Variants in CHST4 observed in about 807,000 individuals in gnomAD.
CHST4 encodes carbohydrate sulfotransferase 4.
For missense variants in CHST4, 466 were observed against 506.0 expected (o/e 0.92, Z 0.76); for synonymous variants, 171 against 195.5 (o/e 0.87, Z 1.05).
intron 1 of CHST4, among the ~76,000 whole-genome samples, chr16:71,535,137 C>A (rs2043977848): frequency 1.3e-5 from 2 of 152,092 alleles, no homozygotes; most frequent in African/African-American, 2.4e-5. Context: ...ACTGGAAAAC[C>A]ATCTTAATAT....
chr16:71,534,784 A>T (rs1013179154), intron 1 of CHST4, among the ~76,000 whole-genome samples: 1 of 152,174 alleles, frequency 6.6e-6, no homozygotes, highest in Non-Finnish European at 1.5e-5. Context: ...CCCACTTACC[A>T]TCTGGAAATC....
At position 71,537,355 on chromosome 16, in the gene CHST4, C is replaced by T. The variant is rs1349268075; in HGVS notation, c.678C>T (p.Arg226=). The T allele has an allele frequency of 1.9e-6, 3 of 1,614,036 alleles. No individual in the cohort carries two copies. The highest frequency in any genetic ancestry group is 1.7e-5 in the Admixed American group (1 of 60,000). Residue 226 remains arginine (R), a synonymous_variant, in exon 2 of 2, where the codon CGC becomes CGT. Coordinates refer to ENST00000539698, the MANE Select transcript of CHST4 (RefSeq NM_001166395.2). The surrounding 1 kb of genome is among the most constrained non-coding windows in gnomAD (Gnocchi z 4.2). ...RTKGDLMIDS[R]IVMGQHEQKL... ...AGGGAGATCTCATGATTGACAGTCG[C>T]ATTGTGATGGGGCAGCATGAGCAAA...
At chr16:71,529,743 A>G (rs568026057) in intron 1 of CHST4, among the ~76,000 whole-genome samples, 3 of 152,130 alleles carry the variant, frequency 2.0e-5, no homozygotes, top group East Asian at 3.9e-4. Context: ...AAGTAAGATA[A>G]GATACAGCCT....
At position 71,537,915 on chromosome 16, in the gene CHST4, A is replaced by C; in HGVS notation, c.*77A>C. ...CTGAATGCTTCTGAGCCTTGCCTAC[A>C]TCTCTGAGCCTTAACTACATGTCTG... On this transcript the variant is annotated 3_prime_UTR_variant, in exon 2 of 2. Transcript: ENST00000539698. This position sits in a 1 kb window ranked among gnomAD's most constrained non-coding sequence, Gnocchi z 4.2. 2 of 1,344,714 alleles carry C rather than the reference A, an allele frequency of 1.5e-6. No individual in the cohort carries two copies. Among genetic ancestry groups the C allele is most frequent in the Non-Finnish European group, 2.1e-6 (2 of 972,514 alleles). 83.3% of individuals were successfully genotyped at this position (1,344,714 alleles called of 1,614,324 possible). A position where few individuals can be genotyped will look rare whatever the true frequency, so the allele number is the denominator to read the frequency against.
chr16:71,532,723 G>A (rs982049866), intron 1 of CHST4, among the ~76,000 whole-genome samples: 2 of 152,178 alleles, frequency 1.3e-5, no homozygotes, highest in Non-Finnish European at 2.9e-5. Flanking sequence ...AGCCCTGGAC[G>A]TAGAGAATAG....
Position 71,537,887 on chromosome 16 carries a change from T to C in CHST4, c.*49T>C. The C allele has an allele frequency of 6.6e-7, 1 of 1,523,542 alleles. No homozygotes were observed. 94.4% of individuals were successfully genotyped at this position (1,523,542 alleles called of 1,614,324 possible). A position where few individuals can be genotyped will look rare whatever the true frequency, so the allele number is the denominator to read the frequency against. On this transcript the variant is annotated 3_prime_UTR_variant, in exon 2 of 2. Transcript: ENST00000539698. The surrounding 1 kb of genome is among the most constrained non-coding windows in gnomAD (Gnocchi z 4.2). ...CACCTGGTGTCAGCCTCAGTCACTT[T>C]CTCTGAATGCTTCTGAGCCTTGCCT...
chr16:71,532,048 GTT>G (rs71153643), intron 1 of CHST4, among the ~76,000 whole-genome samples: 7 of 131,172 alleles, frequency 5.3e-5, no homozygotes, highest in Admixed American at 1.6e-4. Flanking sequence ...TGGTCCTGTT[GTT>G]TTTTTTTTTT....
In CHST4 at chr16:71,536,774, T is replaced by C; in HGVS notation, c.97T>C (p.Ser33Pro). Reference sequence around the variant, plus strand: ...CCACATGTACAGCCACAACATCAGCTCCCTGTCTATGAAGGCACAGCCCGA... The same window carrying C: ...CCACATGTACAGCCACAACATCAGCCCCCTGTCTATGAAGGCACAGCCCGA... ...FFHMYSHNIS[S>P]LSMKAQPERM... The change falls in exon 2 of 2, where the codon TCC becomes CCC. Residue 33 changes from serine to proline, a missense_variant. Coordinates refer to ENST00000539698, the MANE Select transcript of CHST4 (RefSeq NM_001166395.2). The C allele has an allele frequency of 6.6e-7, 1 of 1,513,800 alleles. No homozygotes were observed. The highest frequency in any genetic ancestry group is 2.3e-5 in the Admixed American group (1 of 44,118). The allele number at this position is 1,513,800 out of a possible 1,614,324, so 93.8% of individuals were successfully genotyped here. A position where few individuals can be genotyped will look rare whatever the true frequency, so the allele number is the denominator to read the frequency against.
At position 71,538,564 on chromosome 16, in the gene CHST4, G is replaced by A. The variant is rs1328086568; in HGVS notation, c.*726G>A. 6.0e-6 allele frequency: 1 copy of A among 166,988 alleles called. No individual in the cohort carries two copies. The highest frequency in any genetic ancestry group is 1.5e-5 in the Non-Finnish European group (1 of 68,108). The allele number at this position is 166,988 out of a possible 1,614,324, so 10.3% of individuals were successfully genotyped here. On this transcript the variant is annotated 3_prime_UTR_variant, in exon 2 of 2. Coordinates refer to ENST00000539698, the MANE Select transcript of CHST4 (RefSeq NM_001166395.2). ...TGCTTCTTAATTATTAGCAGTAAAT[G>A]TTCATTTTTATGGGATCCTAAGCTA...
chr16:71,536,867 C>T lies in CHST4; in HGVS notation c.190C>T (p.Gln64Ter), dbSNP rs772930384. ...GSSFVGQLFG[Q>*]HPDVFYLMEP... ...TTCTTTTGTGGGGCAGCTTTTTGGG[C>T]AGCACCCAGATGTTTTCTACCTGAT... Residue 64 changes from glutamine to a stop codon, truncating the protein, a stop_gained, in exon 2 of 2, where the codon CAG becomes TAG. Coordinates refer to ENST00000539698, the MANE Select transcript of CHST4 (RefSeq NM_001166395.2). LOFTEE classifies it low-confidence loss of function (END_TRUNC). The T allele has an allele frequency of 1.3e-6, 2 of 1,558,766 alleles. No individual in the cohort carries two copies. Among genetic ancestry groups the T allele is most frequent in the Non-Finnish European group, 1.7e-6 (2 of 1,153,100 alleles).
At chr16:71,528,928 C>G (rs1252540885) in intron 1 of CHST4, among the ~76,000 whole-genome samples, 1 of 152,136 alleles carries the variant, frequency 6.6e-6, no homozygotes, top group Non-Finnish European at 1.5e-5. Context: ...TTCTCACCAC[C>G]CTTTGGTGGC....
In CHST4 at chr16:71,536,746, C is replaced by A. The variant is rs1211414125; in HGVS notation, c.69C>A (p.Phe23Leu). 4 of 1,504,720 alleles carry A rather than the reference C, an allele frequency of 2.7e-6. No homozygotes were observed. The highest frequency in any genetic ancestry group is 2.7e-6 in the Non-Finnish European group (3 of 1,127,976). The allele number at this position is 1,504,720 out of a possible 1,614,324, so 93.2% of individuals were successfully genotyped here. A position where few individuals can be genotyped will look rare whatever the true frequency, so the allele number is the denominator to read the frequency against. ...LVSQMAILAL[F>L]FHMYSHNISS... The stretch of plus-strand genomic sequence containing the variant: ...CCCAGATGGCCATCTTGGCTCTATT[C>A]TTCCACATGTACAGCCACAACATCA... The change falls in exon 2 of 2, where the codon TTC (phenylalanine) becomes TTA (leucine). Residue 23 changes from phenylalanine (F) to leucine (L), a missense_variant. Phe to Leu is a conservative substitution (Grantham distance 22). Coordinates refer to ENST00000539698, the MANE Select transcript of CHST4 (RefSeq NM_001166395.2).
chr16:71,531,968 C>A (rs2145203831), intron 1 of CHST4, among the ~76,000 whole-genome samples: 1 of 151,650 alleles, frequency 6.6e-6, no homozygotes, highest in African/African-American at 2.4e-5. Flanking sequence ...GGGCCAAGAT[C>A]AGTAATAGCT....
chr16:71,534,979 T>A (rs1357946755), intron 1 of CHST4, among the ~76,000 whole-genome samples: 1 of 152,208 alleles, frequency 6.6e-6, no homozygotes, highest in East Asian at 1.9e-4. Flanking sequence ...GGTTAAAATA[T>A]CCTTTGGAAT....
intron 1 of CHST4, among the ~76,000 whole-genome samples, chr16:71,531,527 C>G (rs943536337): frequency 6.6e-6 from 1 of 152,116 alleles, no homozygotes; most frequent in Non-Finnish European, 1.5e-5. Context: ...TCCTGAGAAC[C>G]GTGGACAACT....
At chr16:71,533,434 A>C (rs2043963184) in intron 1 of CHST4, among the ~76,000 whole-genome samples, 1 of 144,710 alleles carries the variant, frequency 6.9e-6, no homozygotes, top group Non-Finnish European at 1.5e-5. Flanking sequence ...CTCAAAAAAA[A>C]AAAAAAACAA....
intron 1 of CHST4, among the ~76,000 whole-genome samples, chr16:71,529,501 TCTG>T (rs1027860502): frequency 6.6e-6 from 1 of 151,862 alleles, no homozygotes; most frequent in Non-Finnish European, 1.5e-5. Context: ...CCTTTAGTTT[TCTG>T]CTTTCTAGCA....
intron 1 of CHST4, among the ~76,000 whole-genome samples, chr16:71,535,275 C>T (rs989461765): frequency 2.0e-5 from 3 of 152,116 alleles, no homozygotes; most frequent in African/African-American, 7.2e-5. Context: ...CAGGTTCAGA[C>T]GATTCCCCTG....
At chr16:71,531,867 C>T (rs1404982684) in intron 1 of CHST4, among the ~76,000 whole-genome samples, 1 of 152,022 alleles carries the variant, frequency 6.6e-6, no homozygotes, top group African/African-American at 2.4e-5. Flanking sequence ...TATTTTTGTT[C>T]CAAACTTTTT....
Sources: gnomAD v4.1 joint callset for allele counts (sites outside exome capture counted in the v4.1 genomes callset) on GRCh38, gnomAD v4.1.1 for gene constraint, Gnocchi (gnomAD v3.1) non-coding constraint, MANE v1.5 for transcripts, NCBI Gene and HGNC (gene_info 2026-07-23, HGNC 2026-07-21) for gene names.